The following SDK2 variants were observed in gnomAD, a reference collection of about 807,000 sequenced individuals.
SDK2 encodes the protein protein sidekick-2.
Under a neutral mutation model 253.9 loss-of-function variants are expected in SDK2, and 105 were observed. That is an observed-to-expected ratio of 0.41 (90% CI 0.35 to 0.49). SDK2 has a LOEUF of 0.49. Ranked by LOEUF, SDK2 falls within the 20% of genes least tolerant of loss-of-function variation. SDK2 has a pLI of 0.06. For synonymous variants in SDK2, 1,249 were observed against 1,234.9 expected, an observed-to-expected ratio of 1.01 and a Z score of -0.24; for missense variants, 2,608 against 3,003.0, an observed-to-expected ratio of 0.87 and a Z score of 3.07.
At chr17:73,615,914 CACAT>C (rs1212960828) in intron 1 of SDK2, among the ~76,000 whole-genome samples, 3 of 152,192 alleles carry the variant, frequency 2.0e-5, no homozygotes, top group Non-Finnish European at 4.4e-5. Flanking sequence ...TACACACAGT[CACAT>C]ACATATATAC....
chr17:73,615,611 G>A (rs2143159586), intron 1 of SDK2, among the ~76,000 whole-genome samples: 1 of 152,214 alleles, frequency 6.6e-6, no homozygotes, highest in East Asian at 1.9e-4. Flanking sequence ...CACCACACGT[G>A]ACCCCAGGGT....
chr17:73,398,017 C>T lies in SDK2; in HGVS notation c.3354+18G>A. On this transcript the variant is annotated intron_variant, in intron 24 of 44. Transcript: ENST00000392650. ...AGCTCATGGAGAGGTCCCACCCCTG[C>T]CCTCGAGGGAGCCTTACCATCCAGC... The T allele has an allele frequency of 6.2e-7, 1 of 1,607,320 alleles. No individual in the cohort carries two copies. Among genetic ancestry groups the T allele is most frequent in the South Asian group, 1.1e-5 (1 of 90,982 alleles).
intron 1 of SDK2, among the ~76,000 whole-genome samples, chr17:73,562,246 C>T (rs2045246999): frequency 6.6e-6 from 1 of 152,216 alleles, no homozygotes; most frequent in South Asian, 2.1e-4. Context: ...GCTGCAACAG[C>T]CTCCAAGGTA....
At chr17:73,513,122 C>T (rs1318108518) in intron 1 of SDK2, among the ~76,000 whole-genome samples, 1 of 149,804 alleles carries the variant, frequency 6.7e-6, no homozygotes, top group African/African-American at 2.4e-5. Context: ...ATACCTTCAA[C>T]TACACAGAAA....
chr17:73,467,800 G>T lies in SDK2; in HGVS notation c.331+4312C>A, dbSNP rs1477592397. Among the ~76,000 whole-genome samples the T allele has an allele frequency of 6.6e-6, 1 of 152,148 alleles. No homozygotes were observed. The highest frequency in any genetic ancestry group is 1.5e-5 in the Non-Finnish European group (1 of 68,022). ...CTGTGGACTGTGGTTACCACTTCAC[G>T]ACATTATGGAGGAAACAGCTTCACA... On this transcript the variant is annotated intron_variant, in intron 3 of 44. Transcript: ENST00000392650. The surrounding 1 kb of genome is among the most constrained non-coding windows in gnomAD (Gnocchi z 4.1).
intron 4 of SDK2, among the ~76,000 whole-genome samples, chr17:73,449,070 C>T (rs2063473747): frequency 6.6e-6 from 1 of 152,102 alleles, no homozygotes. Flanking sequence ...CTGTTTACCT[C>T]AGCTGGTTTC....
intron 2 of SDK2, among the ~76,000 whole-genome samples, chr17:73,480,067 C>T (rs1194379206): frequency 1.3e-5 from 2 of 152,194 alleles, no homozygotes; most frequent in African/African-American, 4.8e-5. Context: ...GCTCCTCTCC[C>T]TCTAGGACTT....
In SDK2 at chr17:73,419,330, C is replaced by A. The variant is rs769660826; in HGVS notation, c.2046-24G>T. The A allele has an allele frequency of 1.9e-6, 3 of 1,606,310 alleles. No homozygotes were observed. The East Asian group carries it at 6.7e-5, about 36-fold the overall frequency. Reference sequence around the variant, plus strand: ...CCCTGGATCACAAAACACCAATGCTCTTAGTCTTGGGGTCAAACACAGGAG... The same window carrying A: ...CCCTGGATCACAAAACACCAATGCTATTAGTCTTGGGGTCAAACACAGGAG... On this transcript the variant is annotated intron_variant, in intron 15 of 44. Transcript: ENST00000392650.
intron 44 of SDK2, among the ~76,000 whole-genome samples, chr17:73,341,598 G>A (rs1158201978): frequency 2.0e-5 from 3 of 152,202 alleles, no homozygotes; most frequent in Non-Finnish European, 2.9e-5. Context: ...ATAAAAGCCA[G>A]TTAGCCCAAT....
At chr17:73,446,515 T>C (rs958976932) in intron 5 of SDK2, among the ~76,000 whole-genome samples, 2 of 152,018 alleles carry the variant, frequency 1.3e-5, no homozygotes, top group African/African-American at 4.8e-5. Flanking sequence ...CCTGCTGAAG[T>C]GTGAAAGGCC....
At chr17:73,473,174 C>T (rs1399800673) in intron 2 of SDK2, among the ~76,000 whole-genome samples, 1 of 152,182 alleles carries the variant, frequency 6.6e-6, no homozygotes, top group East Asian at 1.9e-4. Flanking sequence ...CCCTTGAAAG[C>T]CCACTCCAGA....
chr17:73,575,880 G>A (rs2045451849), intron 1 of SDK2, among the ~76,000 whole-genome samples: 1 of 152,190 alleles, frequency 6.6e-6, no homozygotes. Context: ...GCTCTTGAGG[G>A]GCTCACAGTC....
intron 1 of SDK2, among the ~76,000 whole-genome samples, chr17:73,620,417 A>G (rs1300376444): frequency 6.6e-6 from 1 of 152,238 alleles, no homozygotes; most frequent in Non-Finnish European, 1.5e-5. Flanking sequence ...ACCTTTGTAC[A>G]TTGCTGGTGA....
chr17:73,365,230 G>A lies in SDK2; in HGVS notation c.5305+28C>T, dbSNP rs201925266. The A allele has an allele frequency of 1.4e-4, 219 of 1,533,272 alleles. No individual in the cohort carries two copies. In the African/African-American group the frequency reaches 2.8e-3, roughly 20 times the overall value. The allele number at this position is 1,533,272 out of a possible 1,614,324, so 95.0% of individuals were successfully genotyped here. On this transcript the variant is annotated intron_variant, in intron 38 of 44. Transcript: ENST00000392650. ...GCGAGCTTTTGCAAAGTGGGGGGCT[G>A]GGGAGCTGTGCTGGGGGGTCCACTC...
chr17:73,387,772 G>A lies in SDK2; in HGVS notation c.4394+64C>T, dbSNP rs1365267944. The A allele has an allele frequency of 9.2e-6, 13 of 1,419,754 alleles. No individual in the cohort carries two copies. In the East Asian group the frequency reaches 3.0e-4, roughly 33 times the overall value. 87.9% of individuals were successfully genotyped at this position (1,419,754 alleles called of 1,614,324 possible). On this transcript the variant is annotated intron_variant, in intron 30 of 44. Coordinates refer to ENST00000392650, the MANE Select transcript of SDK2 (RefSeq NM_001144952.2). ...TTCAGAAGGCCCCCTACCCAGTGGA[G>A]GAGCACCGCTGGTCCCGGCGGGGAG...
chr17:73,370,944 G>A (rs2062730022), intron 36 of SDK2, among the ~76,000 whole-genome samples: 1 of 152,064 alleles, frequency 6.6e-6, no homozygotes, highest in Admixed American at 6.6e-5. Context: ...TGCACCTGCA[G>A]TTCCAGCTAC....
rs2044872648 is a variant in SDK2, at chr17:73,541,762, G to A, written c.65-34165C>T. Among the ~76,000 whole-genome samples the A allele has an allele frequency of 6.6e-6, 1 of 152,202 alleles. No homozygotes were observed. The highest frequency in any genetic ancestry group is 6.5e-5 in the Admixed American group (1 of 15,286). ...CGCTGAGTGACAGGAATGTGCAGAC[G>A]TTGAATTAAAAGCAGCTTGGCACAA... On this transcript the variant is annotated intron_variant, in intron 1 of 44. Transcript: ENST00000392650. This position sits in a 1 kb window ranked among gnomAD's most constrained non-coding sequence, Gnocchi z 4.3.
At chr17:73,581,993 G>T (rs146564682) in intron 1 of SDK2, among the ~76,000 whole-genome samples, 1 of 152,200 alleles carries the variant, frequency 6.6e-6, no homozygotes, top group Non-Finnish European at 1.5e-5. Context: ...CCTCACCCAG[G>T]GTGAGACTTG....
chr17:73,345,374 G>C lies in SDK2; in HGVS notation c.6165+3225C>G, dbSNP rs1236063327. On this transcript the variant is annotated intron_variant, in intron 44 of 44. Coordinates refer to ENST00000392650, the MANE Select transcript of SDK2 (RefSeq NM_001144952.2). ...TTTTGTTCACCACTTTCTTCCTCAGGTTGCTGTGGTTCCATAATATTTGAA... is the reference window on the plus strand; with the variant it reads ...TTTTGTTCACCACTTTCTTCCTCAGCTTGCTGTGGTTCCATAATATTTGAA... Among the ~76,000 whole-genome samples the C allele has an allele frequency of 2.0e-5, 3 of 152,034 alleles. No individual in the cohort carries two copies. The East Asian group carries it at 5.8e-4, about 29-fold the overall frequency.
Sources: gnomAD v4.1 joint callset for allele counts (sites outside exome capture counted in the v4.1 genomes callset) on GRCh38, gnomAD v4.1.1 for gene constraint, Gnocchi (gnomAD v3.1) non-coding constraint, MANE v1.5 for transcripts, NCBI Gene and HGNC (gene_info 2026-07-23, HGNC 2026-07-21) for gene names.